Variants in NLGN4Y observed in about 807,000 individuals in gnomAD.
NLGN4Y encodes the protein neuroligin 4 Y-linked.
In NLGN4Y, 4 loss-of-function variants were observed where a neutral mutation model predicts 8.4. The ratio of observed to expected loss-of-function variants is 0.48; its 90% CI spans 0.23 to 1.09. The LOEUF (loss-of-function observed/expected upper bound fraction) is 1.09, where lower values mean the gene tolerates loss of function less well. Among genes scored for constraint, NLGN4Y ranks in the 50% least tolerant of loss-of-function variants. The pLI, the probability that NLGN4Y is intolerant of heterozygous loss-of-function variation, is 0.19. For synonymous variants in NLGN4Y, 35 were observed against 75.6 expected, an observed-to-expected ratio of 0.46 and a Z score of 2.78; for missense variants, 90 against 192.3, an observed-to-expected ratio of 0.47 and a Z score of 3.15.
Position 14,756,445 on chromosome Y carries a change from A to T in NLGN4Y, c.685+33176A>T, listed in dbSNP as rs2081057243. Among the ~76,000 whole-genome samples, 3 of 32,346 alleles carry T rather than the reference A, an allele frequency of 9.3e-5. No individual in the cohort carries two copies. In the South Asian group the frequency reaches 2.1e-3, roughly 22 times the overall value. 86.8% of individuals were successfully genotyped at this position (32,346 alleles called of 37,273 possible). The stretch of plus-strand genomic sequence containing the variant: ...ATTTAGCTGTCAGTTTAAAAGTTAC[A>T]TACTTAAAAATAATATATTTGGGTG... On this transcript the variant is annotated intron_variant, in intron 4 of 6. Coordinates refer to ENST00000684976, the MANE Select transcript of NLGN4Y (RefSeq NM_001365588.1).
chrY:14,630,035 C>T (rs959378155), intron 2 of NLGN4Y, among the ~76,000 whole-genome samples: 1 of 33,604 alleles, frequency 3.0e-5, no homozygotes, highest in Admixed American at 2.7e-4. Context: ...GCTGGAACCT[C>T]GGAATAGGTT....
At chrY:14,748,556 C>T in intron 4 of NLGN4Y, 2 of 171,846 alleles carry the variant, frequency 1.2e-5, no homozygotes, top group Non-Finnish European at 2.3e-5. Flanking sequence ...GCCCTCTATC[C>T]TCACGGATTT....
At chrY:14,697,467 A>G in intron 2 of NLGN4Y, among the ~76,000 whole-genome samples, 2 of 26,222 alleles carry the variant, frequency 7.6e-5, no homozygotes, top group Non-Finnish European at 1.8e-4. Context: ...AAAGTAAGAC[A>G]TATAGATATA....
chrY:14,813,698 A>C, intron 4 of NLGN4Y, among the ~76,000 whole-genome samples: 1 of 33,751 alleles, frequency 3.0e-5, no homozygotes, highest in Non-Finnish European at 7.4e-5. Flanking sequence ...ACACAGCCAA[A>C]TCATATCACC....
chrY:14,838,323 G>A (rs1012746631), intron 6 of NLGN4Y, among the ~76,000 whole-genome samples: 58 of 32,951 alleles, frequency 1.8e-3, no homozygotes, highest in Admixed American at 7.6e-3. Context: ...TCTTAGTAAC[G>A]TGAAAGCACG....
intron 2 of NLGN4Y, among the ~76,000 whole-genome samples, chrY:14,633,835 C>G: frequency 6.0e-5 from 2 of 33,544 alleles, no homozygotes; most frequent in African/African-American, 2.3e-4. Flanking sequence ...ATGACTTTAT[C>G]TTTCATTTCA....
intron 4 of NLGN4Y, among the ~76,000 whole-genome samples, chrY:14,804,684 C>T: frequency 3.0e-5 from 1 of 33,542 alleles, no homozygotes; most frequent in Admixed American, 2.7e-4. Context: ...CACTCCTGAA[C>T]ATTTTTGACA....
chrY:14,665,303 T>C (rs1603502296), intron 2 of NLGN4Y, among the ~76,000 whole-genome samples: 1 of 33,285 alleles, frequency 3.0e-5, no homozygotes, highest in Non-Finnish European at 7.4e-5. Flanking sequence ...ATTTTGCTCC[T>C]GGGGACATTT....
chrY:14,594,189 G>T, intron 1 of NLGN4Y, among the ~76,000 whole-genome samples: 1 of 32,843 alleles, frequency 3.0e-5, no homozygotes, highest in African/African-American at 1.2e-4. Context: ...GCTCAGTGAG[G>T]GTGATGACAT....
intron 2 of NLGN4Y, among the ~76,000 whole-genome samples, chrY:14,671,040 C>T (rs769850957): frequency 4.0e-3 from 135 of 33,571 alleles, no homozygotes; most frequent in Middle Eastern, 0.014. Flanking sequence ...ACTATAACTG[C>T]TCCTATACTT....
intron 1 of NLGN4Y, among the ~76,000 whole-genome samples, chrY:14,589,243 C>G: frequency 3.0e-5 from 1 of 32,994 alleles, no homozygotes; most frequent in Admixed American, 2.8e-4. Flanking sequence ...TTCTCCATGT[C>G]CCCATCAGAT....
At chrY:14,770,736 T>G (rs2150573070) in intron 4 of NLGN4Y, among the ~76,000 whole-genome samples, 1 of 33,210 alleles carries the variant, frequency 3.0e-5, no homozygotes, top group Admixed American at 2.8e-4. Context: ...CTTCAGGAGC[T>G]AGGTAATAAT....
chrY:14,543,407 C>T, intron 1 of NLGN4Y, among the ~76,000 whole-genome samples: 1 of 33,803 alleles, frequency 3.0e-5, no homozygotes, highest in Non-Finnish European at 7.3e-5. Flanking sequence ...GCTCTTTTTA[C>T]TCTACATGAA....
intron 2 of NLGN4Y, among the ~76,000 whole-genome samples, chrY:14,660,550 G>C (rs773478991): frequency 3.4e-5 from 1 of 29,523 alleles, no homozygotes; most frequent in Non-Finnish European, 8.1e-5. Context: ...ACACCATGTC[G>C]GTCCATTTTT....
chrY:14,687,082 C>T, intron 2 of NLGN4Y, among the ~76,000 whole-genome samples: 2 of 32,037 alleles, frequency 6.2e-5, no homozygotes. Flanking sequence ...AGATATGAGC[C>T]ACCATACATG....
At chrY:14,719,237 A>T in intron 2 of NLGN4Y, among the ~76,000 whole-genome samples, 2 of 33,229 alleles carry the variant, frequency 6.0e-5, no homozygotes, top group South Asian at 1.3e-3. Context: ...TTTACAAGTA[A>T]CATTTTGAAT....
In NLGN4Y at chrY:14,610,468, T is replaced by C. The variant is rs781329098; in HGVS notation, c.-111-11541T>C. On this transcript the variant is annotated intron_variant, in intron 1 of 6. Coordinates refer to ENST00000684976, the MANE Select transcript of NLGN4Y (RefSeq NM_001365588.1). ...TGCTTTAATTTCCTTATTTACCCGGTAGTCATTCAGGAGCAAGTTGTTCAG... is the reference window on the plus strand; with the variant it reads ...TGCTTTAATTTCCTTATTTACCCGGCAGTCATTCAGGAGCAAGTTGTTCAG... Among the ~76,000 whole-genome samples, 6 of 33,321 alleles carry C rather than the reference T, an allele frequency of 1.8e-4. No individual in the cohort carries two copies. In the East Asian group the frequency reaches 4.8e-3, roughly 26 times the overall value. The allele number at this position is 33,321 out of a possible 37,273, so 89.4% of individuals were successfully genotyped here. A position where few individuals can be genotyped will look rare whatever the true frequency, so the allele number is the denominator to read the frequency against.
chrY:14,653,172 G>T, intron 2 of NLGN4Y, among the ~76,000 whole-genome samples: 1 of 32,092 alleles, frequency 3.1e-5, no homozygotes. Flanking sequence ...AATAGAATTA[G>T]AAATCAATAG....
intron 2 of NLGN4Y, among the ~76,000 whole-genome samples, chrY:14,670,519 G>T: frequency 9.0e-5 from 3 of 33,320 alleles, no homozygotes; most frequent in Non-Finnish European, 2.2e-4. Flanking sequence ...GATGGAGGAA[G>T]AATTAAGGTA....
Sources: allele counts gnomAD v4.1 joint callset (sites outside exome capture counted in the v4.1 genomes callset), GRCh38; gene constraint gnomAD v4.1.1; transcripts MANE v1.5; gene names NCBI Gene and HGNC (gene_info 2026-07-23, HGNC 2026-07-21).